Variants in OR9Q1 observed in about 807,000 individuals in gnomAD.
OR9Q1 encodes olfactory receptor 9Q1.
For synonymous variants in OR9Q1, 153 were observed against 148.6 expected, an observed-to-expected ratio of 1.03 and a Z score of -0.22; for missense variants, 374 against 378.8, an observed-to-expected ratio of 0.99 and a Z score of 0.11.
chr11:58,052,913 T>A (rs948167940), intron 1 of OR9Q1, among the ~76,000 whole-genome samples: 2 of 151,706 alleles, frequency 1.3e-5, no homozygotes, highest in Non-Finnish European at 2.9e-5. Context: ...CATCTCACAC[T>A]AGTTAGAATG....
At chr11:58,115,479 T>G (rs867109044) in intron 2 of OR9Q1, among the ~76,000 whole-genome samples, 10 of 152,210 alleles carry the variant, frequency 6.6e-5, no homozygotes, top group Middle Eastern at 3.2e-3. Context: ...CAAAGCATGA[T>G]GTTGTACACC....
intron 2 of OR9Q1, among the ~76,000 whole-genome samples, chr11:58,147,293 T>C (rs1480023314): frequency 6.6e-6 from 1 of 152,150 alleles, no homozygotes; most frequent in Non-Finnish European, 1.5e-5. Flanking sequence ...CTTTCTCAGG[T>C]AGACACAGGT....
chr11:58,143,794 C>A (rs1009614249), intron 2 of OR9Q1, among the ~76,000 whole-genome samples: 1 of 151,948 alleles, frequency 6.6e-6, no homozygotes, highest in Non-Finnish European at 1.5e-5. Context: ...TGCAGCAAAC[C>A]ACCATGACAC....
At chr11:58,084,155 A>G (rs1013951391) in intron 2 of OR9Q1, among the ~76,000 whole-genome samples, 1 of 151,604 alleles carries the variant, frequency 6.6e-6, no homozygotes, top group Admixed American at 6.6e-5. Flanking sequence ...TTGTAGTTCT[A>G]TTTGTAGAGC....
chr11:58,118,401 T>A, intron 2 of OR9Q1: 1 of 763,700 alleles, frequency 1.3e-6, no homozygotes. Flanking sequence ...TTCTGTCTTC[T>A]CTGTTTGTGG....
chr11:58,128,797 T>C (rs1424670334), intron 2 of OR9Q1, among the ~76,000 whole-genome samples: 1 of 152,096 alleles, frequency 6.6e-6, no homozygotes, highest in Non-Finnish European at 1.5e-5. Context: ...AAACATCGCA[T>C]AAAAATAAAA....
At chr11:58,053,580 C>T (rs1288391984) in intron 1 of OR9Q1, among the ~76,000 whole-genome samples, 1 of 77,130 alleles carries the variant, frequency 1.3e-5, no homozygotes, top group East Asian at 3.9e-4. Flanking sequence ...CACATGTACC[C>T]TAAAACTTAA....
At chr11:58,066,540 A>G (rs888499193) in intron 2 of OR9Q1, among the ~76,000 whole-genome samples, 4 of 152,104 alleles carry the variant, frequency 2.6e-5, no homozygotes, top group Non-Finnish European at 5.9e-5. Context: ...ACATGGTGAT[A>G]TCTTCAGCGT....
chr11:58,170,794 C>T (rs1854547567), intron 2 of OR9Q1, among the ~76,000 whole-genome samples: 2 of 152,092 alleles, frequency 1.3e-5, no homozygotes, highest in South Asian at 4.2e-4. Flanking sequence ...GTGAGGCCTC[C>T]CCAGCCACGT....
At chr11:58,168,194 C>T (rs1854523531) in intron 2 of OR9Q1, among the ~76,000 whole-genome samples, 1 of 152,168 alleles carries the variant, frequency 6.6e-6, no homozygotes, top group Non-Finnish European at 1.5e-5. Context: ...AAAAATAACT[C>T]AGTAAAGATA....
At chr11:58,145,984 AAAAAT>A (rs1477778492) in intron 2 of OR9Q1, among the ~76,000 whole-genome samples, 1 of 152,200 alleles carries the variant, frequency 6.6e-6, no homozygotes, top group African/African-American at 2.4e-5. Context: ...CAGAAGAAGA[AAAAAT>A]AAAGAAGGGA....
intron 2 of OR9Q1, among the ~76,000 whole-genome samples, chr11:58,089,397 T>C (rs1368270743): frequency 1.3e-5 from 2 of 151,934 alleles, no homozygotes; most frequent in Admixed American, 6.6e-5. Flanking sequence ...GTTTATTACA[T>C]AGGGAATCCT....
intron 1 of OR9Q1, among the ~76,000 whole-genome samples, chr11:58,043,458 T>A (rs1294937123): frequency 6.6e-6 from 1 of 152,198 alleles, no homozygotes. Context: ...ACTGAAGTAG[T>A]TCAGAGGCTC....
At chr11:58,086,763 C>CA (rs1853637905) in intron 2 of OR9Q1, among the ~76,000 whole-genome samples, 2 of 151,506 alleles carry the variant, frequency 1.3e-5, no homozygotes, top group South Asian at 4.2e-4. Flanking sequence ...GGCACAGAAA[C>CA]AAAAATACCA....
intron 2 of OR9Q1, chr11:58,118,028 T>A (rs1329752884): frequency 6.5e-6 from 1 of 153,034 alleles, no homozygotes; most frequent in Non-Finnish European, 1.5e-5. Context: ...TACTCCCTGC[T>A]TAGTGAGGTG....
chr11:58,044,179 A>T (rs1565058523), intron 1 of OR9Q1: 1 of 152,212 alleles, frequency 6.6e-6, no homozygotes, highest in Admixed American at 6.5e-5. Context: ...GGTCACATTG[A>T]CATCTTCTTT....
At position 58,178,883 on chromosome 11, in the gene OR9Q1, T is replaced by TTA. The variant is rs1029184089; in HGVS notation, c.-14-538_-14-537dup. Among the ~76,000 whole-genome samples, 465 of 145,908 alleles carry TTA rather than the reference T, an allele frequency of 3.2e-3. 3 individuals are homozygous for TTA. The highest frequency in any genetic ancestry group is 0.01 in the African/African-American group (416 of 39,970). Reference sequence around the variant, plus strand: ...ACCTGACATATTTTATATGTATATATTATATATATATTTATATATTATATA... The same window carrying TTA: ...ACCTGACATATTTTATATGTATATATTATATATATATATTTATATATTATATA... On this transcript the variant is annotated intron_variant, in intron 2 of 2. Coordinates refer to ENST00000335397, the MANE Select transcript of OR9Q1 (RefSeq NM_001005212.4).
intron 2 of OR9Q1, among the ~76,000 whole-genome samples, chr11:58,176,616 C>T (rs1031332682): frequency 9.9e-5 from 15 of 152,076 alleles, no homozygotes; most frequent in Non-Finnish European, 1.6e-4. Flanking sequence ...AAGAATAAAA[C>T]GGTGTCTTTG....
At chr11:58,042,921 G>A (rs141738316) in intron 1 of OR9Q1, among the ~76,000 whole-genome samples, 2 of 152,004 alleles carry the variant, frequency 1.3e-5, no homozygotes, top group African/African-American at 4.8e-5. Context: ...GTAAATGGGA[G>A]TTCACTCATG....
Sources: allele counts gnomAD v4.1 joint callset (sites outside exome capture counted in the v4.1 genomes callset), GRCh38; gene constraint gnomAD v4.1.1; transcripts MANE v1.5; gene names NCBI Gene and HGNC (gene_info 2026-07-23, HGNC 2026-07-21).